SRFBP1: variants seen among roughly 807,000 people sequenced by gnomAD.
SRFBP1 encodes the protein serum response factor-binding protein 1.
A neutral mutation model predicts 45.5 loss-of-function variants in SRFBP1; 47 were observed. The observed-to-expected ratio is 1.03, with a 90% confidence interval of 0.82 to 1.32. SRFBP1 has a LOEUF of 1.32. Ranked by LOEUF, SRFBP1 falls within the 40% of genes most tolerant of loss-of-function variation. SRFBP1 has a pLI of 0.00. For synonymous variants in SRFBP1, 203 were observed against 166.3 expected (o/e 1.22, Z -1.70); for missense variants, 621 against 484.6 (o/e 1.28, Z -2.64).
chr5:121,978,257 C>T (rs1412826481), intron 3 of SRFBP1, among the ~76,000 whole-genome samples: 1 of 152,120 alleles, frequency 6.6e-6, no homozygotes, highest in Non-Finnish European at 1.5e-5. Context: ...CTTAGAGAAA[C>T]TGAGCAACTT....
intron 3 of SRFBP1, among the ~76,000 whole-genome samples, chr5:121,984,188 A>C (rs1752471791): frequency 6.6e-6 from 1 of 151,830 alleles, no homozygotes. Context: ...ATATATGCAT[A>C]AGGCTTCGTG....
intron 2 of SRFBP1, 72 bp from the exon 3 acceptor site, chr5:121,975,243 T>C (rs1752278292): frequency 6.9e-7 from 1 of 1,438,964 alleles, no homozygotes; most frequent in African/African-American, 1.4e-5. Flanking sequence ...AGAAATGAAG[T>C]GATTATCCAT....
At chr5:121,971,084 G>A (rs964497124) in intron 1 of SRFBP1, among the ~76,000 whole-genome samples, 1 of 151,352 alleles carries the variant, frequency 6.6e-6, no homozygotes, top group Non-Finnish European at 1.5e-5. Context: ...AGCATGGTGA[G>A]GACAGGGGAC....
Position 121,974,261 on chromosome 5 carries a change from T to C in SRFBP1, c.102T>C (p.Ser34=). The C allele has an allele frequency of 6.2e-7, 1 of 1,611,198 alleles. No homozygotes were observed. Among genetic ancestry groups the C allele is most frequent in the East Asian group, 2.2e-5 (1 of 44,750 alleles). Residue 34 remains serine (S), a synonymous_variant, in exon 2 of 8, where the codon AGT becomes AGC. Coordinates refer to ENST00000339397, the MANE Select transcript of SRFBP1 (RefSeq NM_152546.3). ...TAGTTATCCGAAAACTTGTCAGGAG[T>C]GTTGGCCGACTGAAGTCAAAAAAGT... ...RVLVIRKLVR[S]VGRLKSKKGT...
At chr5:122,070,620 T>G (rs1754422495) in intron 2 of SRFBP1, 1 of 1,195,102 alleles carries the variant, frequency 8.4e-7, no homozygotes. Context: ...AATTTAAAAT[T>G]ATGGTATGTG....
At position 122,020,783 on chromosome 5, in the gene SRFBP1, G is replaced by A. The variant is rs1006780668; in HGVS notation, c.1048G>A (p.Gly350Arg). 11 of 1,568,494 alleles carry A rather than the reference G, an allele frequency of 7.0e-6. No individual in the cohort carries two copies. In the African/African-American group the frequency reaches 1.5e-4, roughly 22 times the overall value. Reference protein sequence around the residue: ...LESVFFHSLSGSKSSRRNFKE... With the variant: ...LESVFFHSLSRSKSSRRNFKE... ...ATCAGTGTTTTTCCACTCTTTATCT[G>A]GATCTAAAAGCTCTAGAAGGTAAGA... Residue 350 changes from glycine to arginine, a missense_variant, in exon 6 of 8, where the codon GGA becomes AGA. Physicochemically the swap from Gly to Arg is moderately radical, Grantham distance 125. Coordinates refer to ENST00000339397, the MANE Select transcript of SRFBP1 (RefSeq NM_152546.3).
chr5:122,013,980 A>G (rs1337912774), intron 4 of SRFBP1, among the ~76,000 whole-genome samples: 2 of 148,260 alleles, frequency 1.3e-5, no homozygotes, highest in Non-Finnish European at 3.0e-5. Flanking sequence ...TCTGTAGCAC[A>G]GCAAGGTGAC....
At chr5:122,017,115 G>C (rs1194927022) in intron 4 of SRFBP1, among the ~76,000 whole-genome samples, 1 of 152,116 alleles carries the variant, frequency 6.6e-6, no homozygotes, top group Non-Finnish European at 1.5e-5. Context: ...TGTAGTCCCA[G>C]CTACTCGGGA....
At chr5:122,039,009 G>A (rs901581315) in intron 2 of SRFBP1, among the ~76,000 whole-genome samples, 3 of 152,040 alleles carry the variant, frequency 2.0e-5, no homozygotes, top group African/African-American at 7.2e-5. Flanking sequence ...CTAGTGCTTT[G>A]AAAAACAATG....
chr5:122,047,854 A>G (rs1753893854), intron 2 of SRFBP1, among the ~76,000 whole-genome samples: 1 of 152,024 alleles, frequency 6.6e-6, no homozygotes, highest in Non-Finnish European at 1.5e-5. Flanking sequence ...TTTGTCTGTT[A>G]TTGGTGTATA....
chr5:122,077,276 G>A (rs1184177431), downstream of SRFBP1: 8 of 1,586,330 alleles, frequency 5.0e-6, no homozygotes, highest in South Asian at 2.3e-5. The surrounding 1 kb of genome is among the most constrained non-coding windows in gnomAD (Gnocchi z 4.9). Flanking sequence ...GGCCCGCCGC[G>A]CCCAGGCAGC....
chr5:122,009,408 TC>T (rs1753044155), intron 4 of SRFBP1, among the ~76,000 whole-genome samples: 1 of 152,218 alleles, frequency 6.6e-6, no homozygotes, highest in Non-Finnish European at 1.5e-5. Flanking sequence ...GATAATATTT[TC>T]TCTTTCTTTT....
chr5:121,962,329 A>G (rs1032550534), intron 1 of SRFBP1, among the ~76,000 whole-genome samples: 2 of 152,230 alleles, frequency 1.3e-5, no homozygotes, highest in Non-Finnish European at 2.9e-5. Context: ...TGTACGTTCA[A>G]TATTCTCGTC....
chr5:122,075,538 T>A, exon 3 of SRFBP1: 19 of 1,568,748 alleles, frequency 1.2e-5, no homozygotes, highest in Non-Finnish European at 1.6e-5. Context: ...CCCTGTATGC[T>A]GTACTGTGAT....
chr5:122,048,236 T>C (rs1400854648), intron 2 of SRFBP1, among the ~76,000 whole-genome samples: 3 of 152,202 alleles, frequency 2.0e-5, no homozygotes, highest in African/African-American at 7.2e-5. Context: ...ACCTAATTTA[T>C]TGAGAGTTTT....
At chr5:122,077,737 G>T, downstream of SRFBP1, 1 of 1,571,496 alleles carries the variant, frequency 6.4e-7, no homozygotes, top group Non-Finnish European at 8.6e-7. This position sits in a 1 kb window ranked among gnomAD's most constrained non-coding sequence, Gnocchi z 4.9. Flanking sequence ...GCTGCTGGGC[G>T]GAGGCGTTGG....
intron 2 of SRFBP1, among the ~76,000 whole-genome samples, chr5:122,048,439 C>T (rs1446328311): frequency 1.3e-5 from 2 of 152,104 alleles, no homozygotes; most frequent in East Asian, 1.9e-4. Flanking sequence ...CTATTGGATT[C>T]GGTTTGCCAA....
chr5:122,044,091 G>A (rs1271654910), intron 2 of SRFBP1, among the ~76,000 whole-genome samples: 1 of 152,090 alleles, frequency 6.6e-6, no homozygotes, highest in African/African-American at 2.4e-5. Flanking sequence ...CCCACTTGCA[G>A]GTGAGAATGT....
intron 6 of SRFBP1, 103 bp from the exon 7 acceptor site, chr5:122,022,267 A>G: frequency 1.1e-6 from 1 of 877,946 alleles, no homozygotes; most frequent in Non-Finnish European, 1.8e-6. Flanking sequence ...TAAGGAGTAT[A>G]GTGGCCCTTT....
Sources: allele counts gnomAD v4.1 joint callset (sites outside exome capture counted in the v4.1 genomes callset), GRCh38; gene constraint gnomAD v4.1.1; non-coding constraint Gnocchi (gnomAD v3.1); transcripts MANE v1.5; gene names NCBI Gene and HGNC (gene_info 2026-07-23, HGNC 2026-07-21).